Variants in STK39 observed in about 807,000 individuals in gnomAD.
STK39 encodes serine/threonine kinase 39.
In STK39, 20 loss-of-function variants were observed where a neutral mutation model predicts 77.8. That is an observed-to-expected ratio of 0.26 (90% CI 0.18 to 0.37). The LOEUF is 0.37. Ranked by LOEUF, STK39 falls within the 10% of genes least tolerant of loss-of-function variation. STK39 has a pLI of 1.00. For missense variants in STK39, 479 were observed against 656.5 expected (o/e 0.73, Z 2.95); for synonymous variants, 246 against 234.1 (o/e 1.05, Z -0.47).
At chr2:168,215,370 C>T (rs912738151) in intron 1 of STK39, among the ~76,000 whole-genome samples, 1 of 152,156 alleles carries the variant, frequency 6.6e-6, no homozygotes, top group Admixed American at 6.5e-5. Context: ...TCCAAGATGA[C>T]CCTTCCGTAA....
rs530427870 is a variant in STK39, at chr2:168,082,736, T to C, written c.1090-7505A>G. ...CATGGCCTCCCTGACCTCATCTAAATTGAAATCCTTGGAAACTGCATTTCT... is the reference window on the plus strand; with the variant it reads ...CATGGCCTCCCTGACCTCATCTAAACTGAAATCCTTGGAAACTGCATTTCT... On this transcript the variant is annotated intron_variant, in intron 10 of 17. Transcript: ENST00000355999. Among the ~76,000 whole-genome samples the C allele has an allele frequency of 7.9e-5, 12 of 152,356 alleles. No individual in the cohort carries two copies. The East Asian group carries it at 1.7e-3, about 22-fold the overall frequency.
chr2:168,221,953 C>T (rs781156842), intron 1 of STK39, among the ~76,000 whole-genome samples: 8 of 152,168 alleles, frequency 5.3e-5, no homozygotes, highest in Admixed American at 2.0e-4. Flanking sequence ...CCCTGTTTCA[C>T]GATTTAATAA....
intron 17 of STK39, among the ~76,000 whole-genome samples, chr2:167,956,669 C>CACACAT (rs1261612350): frequency 9.0e-5 from 3 of 33,288 alleles, no homozygotes; most frequent in Admixed American, 2.7e-4. Flanking sequence ...TGCTTTTAGA[C>CACACAT]ACACACACAC....
At chr2:168,194,106 A>G (rs1487351684) in intron 1 of STK39, among the ~76,000 whole-genome samples, 2 of 152,198 alleles carry the variant, frequency 1.3e-5, no homozygotes, top group Admixed American at 1.3e-4. Flanking sequence ...ATGTATGTGT[A>G]TCGGGCTATT....
In STK39 at chr2:168,121,327, G is replaced by A. The variant is rs565366436; in HGVS notation, c.1089+8214C>T. Reference sequence around the variant, plus strand: ...AAGAACAATTGTTTGGGACAAATATGGAAGCATAAATGAAAGTGATCTGAA... The same window carrying A: ...AAGAACAATTGTTTGGGACAAATATAGAAGCATAAATGAAAGTGATCTGAA... On this transcript the variant is annotated intron_variant, in intron 10 of 17. Transcript: ENST00000355999. Among the ~76,000 whole-genome samples, 3 of 152,306 alleles carry A rather than the reference G, an allele frequency of 2.0e-5. No homozygotes were observed. In the South Asian group the frequency reaches 6.2e-4, roughly 32 times the overall value.
intron 8 of STK39, among the ~76,000 whole-genome samples, chr2:168,132,797 T>G (rs1687733061): frequency 6.6e-6 from 1 of 152,210 alleles, no homozygotes; most frequent in South Asian, 2.1e-4. Context: ...ATATGAGCCC[T>G]TCCAAGGCAG....
At chr2:167,991,725 G>T (rs1262056300) in intron 16 of STK39, among the ~76,000 whole-genome samples, 2 of 152,204 alleles carry the variant, frequency 1.3e-5, no homozygotes, top group Non-Finnish European at 2.9e-5. Context: ...GACCCTCACA[G>T]TTGGCGTGGA....
chr2:168,212,811 C>T (rs1294836651), intron 1 of STK39, among the ~76,000 whole-genome samples: 1 of 152,208 alleles, frequency 6.6e-6, no homozygotes, highest in Non-Finnish European at 1.5e-5. Context: ...TCATCCTCTC[C>T]CTCCTGGGTT....
intron 17 of STK39, among the ~76,000 whole-genome samples, chr2:167,962,662 G>A (rs1692019574): frequency 1.3e-5 from 2 of 152,192 alleles, no homozygotes; most frequent in South Asian, 4.1e-4. Flanking sequence ...AGGTACAAAG[G>A]AGATTCAGTC....
At chr2:168,057,700 C>T (rs910458657) in intron 14 of STK39, among the ~76,000 whole-genome samples, 2 of 152,146 alleles carry the variant, frequency 1.3e-5, no homozygotes, top group African/African-American at 4.8e-5. Context: ...ATTCTCCTCT[C>T]TTCTAAAACC....
intron 10 of STK39, among the ~76,000 whole-genome samples, chr2:168,118,319 A>T (rs2105483108): frequency 6.6e-6 from 1 of 152,282 alleles, no homozygotes; most frequent in East Asian, 1.9e-4. Flanking sequence ...CACAAATCTA[A>T]CTGGATGTGA....
At chr2:168,034,241 T>C (rs991817523) in intron 14 of STK39, among the ~76,000 whole-genome samples, 1 of 152,210 alleles carries the variant, frequency 6.6e-6, no homozygotes, top group Admixed American at 6.5e-5. Flanking sequence ...GGCTTGGGGT[T>C]TGAAACAAAG....
Position 168,140,339 on chromosome 2 carries a change from T to C in STK39, c.790A>G (p.Ile264Val). 1 of 1,614,128 alleles carries C rather than the reference T, an allele frequency of 6.2e-7. No homozygotes were observed. The highest frequency in any genetic ancestry group is 8.5e-7 in the Non-Finnish European group (1 of 1,179,970). The change falls in exon 7 of 18, where the codon ATT becomes GTT. Residue 264 changes from isoleucine (I) to valine (V), a missense_variant. Coordinates refer to ENST00000355999, the MANE Select transcript of STK39 (RefSeq NM_013233.3). ...ADMWSFGITA[I>V]ELATGAAPYH... is the part of the protein sequence containing the mutation. ...GGCGCTGCTCCTGTTGCTAATTCAATGGCAGTTATTCCAAAACTCCACATG... is the reference window on the plus strand; with the variant it reads ...GGCGCTGCTCCTGTTGCTAATTCAACGGCAGTTATTCCAAAACTCCACATG...
At chr2:168,118,762 A>C (rs984161410) in intron 10 of STK39, among the ~76,000 whole-genome samples, 3 of 152,164 alleles carry the variant, frequency 2.0e-5, no homozygotes, top group African/African-American at 7.2e-5. Context: ...AGCAAAAGGA[A>C]AAAATCTACG....
At chr2:168,155,145 G>C (rs1433235978) in intron 5 of STK39, among the ~76,000 whole-genome samples, 1 of 152,138 alleles carries the variant, frequency 6.6e-6, no homozygotes, top group Non-Finnish European at 1.5e-5. Flanking sequence ...TAAACGTGCA[G>C]AGCTGAGCAA....
At chr2:168,064,101 T>TG (rs1685734188) in intron 13 of STK39, among the ~76,000 whole-genome samples, 1 of 152,110 alleles carries the variant, frequency 6.6e-6, no homozygotes, top group African/African-American at 2.4e-5. Context: ...ACCTTATTGT[T>TG]GGAGTAGAAA....
chr2:168,043,507 G>T (rs995563304), intron 14 of STK39, among the ~76,000 whole-genome samples: 1 of 152,208 alleles, frequency 6.6e-6, no homozygotes, highest in African/African-American at 2.4e-5. Flanking sequence ...TGTTGCAGCT[G>T]CTTCTAAATT....
intron 1 of STK39, among the ~76,000 whole-genome samples, chr2:168,204,987 A>G (rs1689704606): frequency 6.6e-6 from 1 of 152,238 alleles, no homozygotes; most frequent in Non-Finnish European, 1.5e-5. Context: ...AACATAATAC[A>G]CTGCATTGAA....
intron 14 of STK39, among the ~76,000 whole-genome samples, chr2:168,018,529 AAAAGAAAGAAAAGAAAGAAAGAAAG>A (rs1684477803): frequency 9.9e-5 from 8 of 80,764 alleles, no homozygotes; most frequent in African/African-American, 5.1e-4. Flanking sequence ...GAAAAGAAAG[AAAAGAAAGAAAAGAAAGAAAGAAAG>A]AAAGAAAGAA....
Sources: gnomAD v4.1 joint callset for allele counts (sites outside exome capture counted in the v4.1 genomes callset) on GRCh38, gnomAD v4.1.1 for gene constraint, MANE v1.5 for transcripts, NCBI Gene and HGNC (gene_info 2026-07-23, HGNC 2026-07-21) for gene names.